LRP1B: variants seen among roughly 807,000 people sequenced by gnomAD.
LRP1B encodes the protein low-density lipoprotein receptor-related protein 1B.
A neutral mutation model predicts 556.6 loss-of-function variants in LRP1B; 217 were observed. The ratio of observed to expected loss-of-function variants is 0.39; its 90% CI spans 0.35 to 0.44. LRP1B has a LOEUF of 0.44. LRP1B is among the 20% of genes least tolerant of loss of function. The pLI is 1.00. For synonymous variants in LRP1B, 2,047 were observed against 1,865.8 expected, an observed-to-expected ratio of 1.10 and a Z score of -2.50; for missense variants, 5,053 against 5,620.8, an observed-to-expected ratio of 0.90 and a Z score of 3.23.
At chr2:141,344,511 T>C (rs1157737019) in intron 3 of LRP1B, among the ~76,000 whole-genome samples, 12 of 152,150 alleles carry the variant, frequency 7.9e-5, no homozygotes. Flanking sequence ...AAATATTGGG[T>C]TTTCATTGAG....
At chr2:142,114,811 TAGAC>T (rs972949720) in intron 1 of LRP1B, among the ~76,000 whole-genome samples, 17 of 152,036 alleles carry the variant, frequency 1.1e-4, no homozygotes, top group African/African-American at 4.1e-4. Flanking sequence ...TACATTTAGA[TAGAC>T]AGAAAAAGAT....
At chr2:140,802,856 G>C (rs1354394066) in intron 32 of LRP1B, among the ~76,000 whole-genome samples, 4 of 152,152 alleles carry the variant, frequency 2.6e-5, no homozygotes, top group African/African-American at 9.7e-5. Context: ...TTTTCAACGA[G>C]TCACTTTTTT....
intron 41 of LRP1B, among the ~76,000 whole-genome samples, chr2:140,636,424 C>T (rs1291994384): frequency 1.3e-5 from 2 of 152,024 alleles, no homozygotes; most frequent in Non-Finnish European, 2.9e-5. Context: ...TTTCTGGAAA[C>T]AAAAGTATGA....
intron 83 of LRP1B, among the ~76,000 whole-genome samples, chr2:140,309,905 A>G (rs1273267833): frequency 2.1e-5 from 3 of 143,450 alleles, no homozygotes; most frequent in African/African-American, 7.9e-5. Context: ...AACACAATCA[A>G]ATGTTCTCAC....
At chr2:140,511,784 A>G (rs1355719685) in intron 51 of LRP1B, among the ~76,000 whole-genome samples, 1 of 152,168 alleles carries the variant, frequency 6.6e-6, no homozygotes, top group Non-Finnish European at 1.5e-5. Context: ...GTTAGAAAAT[A>G]ATCTATTAAA....
chr2:141,815,356 G>C (rs1354533329), intron 1 of LRP1B, among the ~76,000 whole-genome samples: 2 of 152,166 alleles, frequency 1.3e-5, no homozygotes, highest in African/African-American at 4.8e-5. Flanking sequence ...GCTGGGTCGA[G>C]TGAGGACTTG....
In LRP1B at chr2:141,257,677, G is replaced by A. The variant is rs77455689; in HGVS notation, c.344-3036C>T. On this transcript the variant is annotated intron_variant, in intron 3 of 90. Transcript: ENST00000389484. Reference sequence around the variant, plus strand: ...TTTTAGTTTATTAGACTTATCCTGCGTGAGGATTTGTATATGTGCAGAGTG... The same window carrying A: ...TTTTAGTTTATTAGACTTATCCTGCATGAGGATTTGTATATGTGCAGAGTG... Among the ~76,000 whole-genome samples, 114 of 152,256 alleles carry A rather than the reference G, an allele frequency of 7.5e-4. 2 individuals are homozygous for A. In the East Asian group the frequency reaches 0.016, roughly 21 times the overall value.
chr2:141,933,951 C>A (rs1039800730), intron 1 of LRP1B, among the ~76,000 whole-genome samples: 4 of 151,418 alleles, frequency 2.6e-5, no homozygotes, highest in African/African-American at 9.7e-5. Context: ...GAGTAAGGGC[C>A]CACAAAAATA....
intron 41 of LRP1B, among the ~76,000 whole-genome samples, chr2:140,697,633 T>C (rs1456798767): frequency 1.3e-5 from 2 of 152,106 alleles, no homozygotes; most frequent in Non-Finnish European, 2.9e-5. Flanking sequence ...CAATATATGC[T>C]ATATCATGGA....
intron 2 of LRP1B, among the ~76,000 whole-genome samples, chr2:141,772,109 G>A (rs1558865424): frequency 6.6e-6 from 1 of 152,008 alleles, no homozygotes; most frequent in African/African-American, 2.4e-5. Flanking sequence ...CCCGGCCGAT[G>A]ATCTCTCTTT....
At chr2:140,583,162 C>CTTTTTTTTTTTTTTTTTTTTTTTTTT (rs1220644581) in intron 43 of LRP1B, among the ~76,000 whole-genome samples, 1 of 107,818 alleles carries the variant, frequency 9.3e-6, no homozygotes. Context: ...ACAGTTTCTC[C>CTTTTTTTTTTTTTTTTTTTTTTTTTT]TTTTTTTTCT....
At chr2:140,656,883 G>A (rs766893191) in intron 41 of LRP1B, among the ~76,000 whole-genome samples, 4 of 152,046 alleles carry the variant, frequency 2.6e-5, no homozygotes, top group Non-Finnish European at 4.4e-5. Flanking sequence ...AAACTAAATG[G>A]TCTTGCAATA....
At chr2:141,449,830 TA>T (rs1246059307) in intron 3 of LRP1B, among the ~76,000 whole-genome samples, 3 of 152,216 alleles carry the variant, frequency 2.0e-5, no homozygotes, top group Non-Finnish European at 4.4e-5. Context: ...TCAAATCTAC[TA>T]CTGATATTTG....
intron 7 of LRP1B, among the ~76,000 whole-genome samples, chr2:141,067,734 AAACC>A (rs1440807484): frequency 5.3e-5 from 8 of 152,026 alleles, no homozygotes; most frequent in Admixed American, 2.0e-4. Flanking sequence ...GATTCAAGTG[AAACC>A]AAATCATAGA....
intron 3 of LRP1B, among the ~76,000 whole-genome samples, chr2:141,281,697 A>G (rs366632): frequency 0.95 from 143,730 of 151,816 alleles, 68,538 homozygotes; most frequent in East Asian, 1. Flanking sequence ...ATTCTATGCC[A>G]TAACACAACA....
chr2:140,387,128 T>C (rs1573876118), intron 66 of LRP1B, among the ~76,000 whole-genome samples: 1 of 152,190 alleles, frequency 6.6e-6, no homozygotes, highest in African/African-American at 2.4e-5. Flanking sequence ...TTTCGTGTAC[T>C]TAGATCAACT....
chr2:141,943,452 T>G (rs796317375), intron 1 of LRP1B, among the ~76,000 whole-genome samples: 6 of 152,332 alleles, frequency 3.9e-5, no homozygotes, highest in African/African-American at 1.4e-4. Flanking sequence ...TGACCTGTTT[T>G]AAGTGTTCGC....
chr2:141,101,936 T>G (rs546718397), intron 7 of LRP1B, among the ~76,000 whole-genome samples: 1 of 152,294 alleles, frequency 6.6e-6, no homozygotes, highest in South Asian at 2.1e-4. Context: ...GTCATGACTT[T>G]AAATGCATTT....
At chr2:140,237,267 G>T (rs1349103442) in intron 89 of LRP1B, among the ~76,000 whole-genome samples, 1 of 150,868 alleles carries the variant, frequency 6.6e-6, no homozygotes, top group Admixed American at 6.6e-5. Context: ...TGTGGTATTT[G>T]TCATTCTGTG....
Sources: allele counts gnomAD v4.1 joint callset (sites outside exome capture counted in the v4.1 genomes callset), GRCh38; gene constraint gnomAD v4.1.1; transcripts MANE v1.5; gene names NCBI Gene and HGNC (gene_info 2026-07-23, HGNC 2026-07-21).